Variants in TEX15 observed in about 807,000 individuals in gnomAD.
TEX15 encodes testis-expressed protein 15.
Under a neutral mutation model 237.3 loss-of-function variants are expected in TEX15, and 171 were observed. That is an observed-to-expected ratio of 0.72 (90% CI 0.64 to 0.82). The LOEUF (loss-of-function observed/expected upper bound fraction) is 0.82, where lower values mean the gene tolerates loss of function less well. TEX15 is among the 40% of genes least tolerant of loss of function. The pLI is 0.00. For missense variants in TEX15, 3,750 were observed against 3,646.5 expected, an observed-to-expected ratio of 1.03 and a Z score of -0.73; for synonymous variants, 1,338 against 1,269.8, an observed-to-expected ratio of 1.05 and a Z score of -1.14.
At chr8:30,841,978 A>T in intron 8 of TEX15, 26 bp downstream of exon 8, 1 of 1,469,484 alleles carries the variant, frequency 6.8e-7, no homozygotes, top group East Asian at 2.3e-5. Context: ...AATACTTATA[A>T]AAGTTTTGTT....
At position 30,837,048 on chromosome 8, in the gene TEX15, G is replaced by T. The variant is rs143926283; in HGVS notation, c.9236C>A (p.Thr3079Lys). 6 of 1,614,198 alleles carry T rather than the reference G, an allele frequency of 3.7e-6. No homozygotes were observed. The African/African-American group carries it at 6.7e-5, about 18-fold the overall frequency. Residue 3079 changes from threonine (T) to lysine (K), a missense_variant, in exon 10 of 11, where the codon ACA (threonine) becomes AAA (lysine). By Grantham distance (78) the Thr-to-Lys change is moderately conservative. Transcript: ENST00000643185. ...VQPSPSGLLTTVASTAQGTHS... is the reference protein window; with the variant it reads ...VQPSPSGLLTKVASTAQGTHS... ...TGTGCCCTGGGCAGTACTTGCAACT[G>T]TGGTCAACAGCCCAGAAGGAGATGG...
chr8:30,874,295 T>C (rs541279487), intron 4 of TEX15, among the ~76,000 whole-genome samples: 2 of 152,288 alleles, frequency 1.3e-5, no homozygotes, highest in South Asian at 4.1e-4. Context: ...CAGTGAGAAA[T>C]GGCAAAGGAG....
In TEX15 at chr8:30,842,133, G is replaced by C; in HGVS notation, c.8034C>G (p.Pro2678=). The C allele has an allele frequency of 6.2e-7, 1 of 1,613,270 alleles. No individual in the cohort carries two copies. The highest frequency in any genetic ancestry group is 8.5e-7 in the Non-Finnish European group (1 of 1,179,636). ...TTTTGTTTATGCACTCTGATACTGG[G>C]GGCAACATCGTAGAAATACTAAATT... is the stretch of plus-strand genomic sequence containing the variant. ...NNKFSISTML[P]PVSECINKNI... is the part of the protein sequence containing the mutation. Residue 2678 remains proline (P), a synonymous_variant, in exon 8 of 11, where the codon CCC becomes CCG. Transcript: ENST00000643185.
chr8:30,889,965 A>ATACG (rs1808763973), intron 2 of TEX15, among the ~76,000 whole-genome samples: 1 of 131,314 alleles, frequency 7.6e-6, no homozygotes, highest in African/African-American at 2.9e-5. Context: ...ATATATATAT[A>ATACG]TATGTATAAG....
Position 30,837,948 on chromosome 8 carries a change from C to T in TEX15, c.8336G>A (p.Gly2779Asp), listed in dbSNP as rs746732985. 2 of 1,614,106 alleles carry T rather than the reference C, an allele frequency of 1.2e-6. No homozygotes were observed. The highest frequency in any genetic ancestry group is 1.1e-5 in the South Asian group (1 of 91,084). Reference sequence around the variant, plus strand: ...TGGGTTCTCTAAGGGTAAAAGTGAGCCAGGTAGTGATCTTTGCATTTCAAC... The same window carrying T: ...TGGGTTCTCTAAGGGTAAAAGTGAGTCAGGTAGTGATCTTTGCATTTCAAC... ...KKVEMQRSLP[G>D]SLLPLENPKD... is the part of the protein sequence containing the mutation. The change falls in exon 10 of 11, where the codon GGC (glycine) becomes GAC (aspartate). Residue 2779 changes from glycine (G) to aspartate (D), a missense_variant. Coordinates refer to ENST00000643185, the MANE Select transcript of TEX15 (RefSeq NM_001350162.2).
chr8:30,889,382 G>A (rs1279243452), intron 2 of TEX15, among the ~76,000 whole-genome samples: 1 of 152,118 alleles, frequency 6.6e-6, no homozygotes, highest in African/African-American at 2.4e-5. Flanking sequence ...AACCCGGGAG[G>A]TGGAGGTTGC....
chr8:30,890,532 G>A (rs1338763260), intron 2 of TEX15: 1 of 151,984 alleles, frequency 6.6e-6, no homozygotes. Flanking sequence ...TACCTAAATA[G>A]CAATCTTCAA....
At position 30,837,531 on chromosome 8, in the gene TEX15, A is replaced by C. The variant is rs749325247; in HGVS notation, c.8753T>G (p.Leu2918Arg). 25 of 1,613,708 alleles carry C rather than the reference A, an allele frequency of 1.5e-5. No individual in the cohort carries two copies. The Admixed American group carries it at 4.0e-4, about 26-fold the overall frequency. ...DLEMNDTVFE[L>R]QDNDIVNSSI... ...TGAATTTACTATATCATTATCTTGAAGTTCAAAGACTGTGTCATTCATTTC... is the reference window on the plus strand; with the variant it reads ...TGAATTTACTATATCATTATCTTGACGTTCAAAGACTGTGTCATTCATTTC... Residue 2918 changes from leucine (L) to arginine (R), a missense_variant, in exon 10 of 11, where the codon CTT (leucine) becomes CGT (arginine). Leu to Arg is a moderately radical substitution (Grantham distance 102, BLOSUM62 -2). Coordinates refer to ENST00000643185, the MANE Select transcript of TEX15 (RefSeq NM_001350162.2).
chr8:30,844,090 A>G lies in TEX15; in HGVS notation c.6077T>C (p.Ile2026Thr). The G allele has an allele frequency of 1.2e-6, 2 of 1,612,852 alleles. No homozygotes were observed. The highest frequency in any genetic ancestry group is 1.7e-6 in the Non-Finnish European group (2 of 1,179,494). ...LQEETKVCLN[I>T]LPLFVEAFER... is the part of the protein sequence containing the mutation. ...AAAAGCTTCCACAAATAAAGGGAGA[A>G]TATTTAGACAAACCTTAGTTTCTTC... Residue 2026 changes from isoleucine to threonine, a missense_variant, in exon 8 of 11, where the codon ATT becomes ACT. By Grantham distance (89) the Ile-to-Thr change is moderately conservative (BLOSUM62 -1). Coordinates refer to ENST00000643185, the MANE Select transcript of TEX15 (RefSeq NM_001350162.2).
chr8:30,899,455 C>G (rs1013182918), intron 1 of TEX15, among the ~76,000 whole-genome samples: 2 of 152,114 alleles, frequency 1.3e-5, no homozygotes, highest in Non-Finnish European at 2.9e-5. Flanking sequence ...TTTGTGTGTG[C>G]GTGTGAGACA....
At chr8:30,859,835 T>C (rs906517657) in intron 6 of TEX15, 76 bp downstream of exon 6, 6 of 1,107,352 alleles carry the variant, frequency 5.4e-6, no homozygotes, top group Non-Finnish European at 7.0e-6. Context: ...TCATTTAACA[T>C]TTTGGGAATT....
intron 6 of TEX15, 110 bp from the exon 7 acceptor site, chr8:30,858,940 A>G (rs1807975570): frequency 1.5e-6 from 1 of 678,714 alleles, no homozygotes; most frequent in Non-Finnish European, 2.2e-6. Context: ...ACTTCCATAT[A>G]AACTTCTCCA....
chr8:30,879,357 C>G (rs1169861862), intron 3 of TEX15, among the ~76,000 whole-genome samples: 1 of 152,164 alleles, frequency 6.6e-6, no homozygotes, highest in Non-Finnish European at 1.5e-5. Flanking sequence ...CTTATCCAAG[C>G]TGAGATCCTG....
At chr8:30,856,390 CA>C (rs1002132684) in intron 7 of TEX15, among the ~76,000 whole-genome samples, 1 of 149,972 alleles carries the variant, frequency 6.7e-6, no homozygotes, top group Admixed American at 6.6e-5. Flanking sequence ...CCTGTCTCTA[CA>C]AAAAAAAATA....
intron 1 of TEX15, among the ~76,000 whole-genome samples, chr8:30,906,087 T>TA (rs1399966671): frequency 6.6e-6 from 1 of 152,234 alleles, no homozygotes; most frequent in African/African-American, 2.4e-5. Flanking sequence ...TATTGATTAC[T>TA]ACAACACACA....
chr8:30,866,968 T>A (rs964277845), intron 5 of TEX15, among the ~76,000 whole-genome samples: 8 of 150,000 alleles, frequency 5.3e-5, no homozygotes, highest in Non-Finnish European at 1.0e-4. Flanking sequence ...CTTATTATGA[T>A]AGAAACAAAA....
intron 7 of TEX15, among the ~76,000 whole-genome samples, chr8:30,854,489 ATGAG>A (rs1251349029): frequency 2.6e-5 from 4 of 152,166 alleles, no homozygotes; most frequent in Admixed American, 6.5e-5. Flanking sequence ...AAGAAACTGA[ATGAG>A]TAATTGAATA....
chr8:30,894,339 C>T (rs898426490), intron 2 of TEX15, among the ~76,000 whole-genome samples: 3 of 152,060 alleles, frequency 2.0e-5, no homozygotes, highest in South Asian at 4.1e-4. Context: ...AAAAAAAATC[C>T]GTATTTGATA....
At chr8:30,881,610 C>CTTTTTTCTT (rs1164594718) in intron 3 of TEX15, among the ~76,000 whole-genome samples, 1 of 109,426 alleles carries the variant, frequency 9.1e-6, no homozygotes, top group African/African-American at 6.5e-5. Context: ...TCCATCTTGA[C>CTTTTTTCTT]TTTTTATTTT....
Sources: gnomAD v4.1 joint callset for allele counts (sites outside exome capture counted in the v4.1 genomes callset) on GRCh38, gnomAD v4.1.1 for gene constraint, MANE v1.5 for transcripts, NCBI Gene and HGNC (gene_info 2026-07-23, HGNC 2026-07-21) for gene names.